ADCY7: variants seen among roughly 807,000 people sequenced by gnomAD.
ADCY7 encodes adenylate cyclase type 7.
A neutral mutation model predicts 120.6 loss-of-function variants in ADCY7; 72 were observed. That is an observed-to-expected ratio of 0.60 (90% CI 0.49 to 0.73). The LOEUF (loss-of-function observed/expected upper bound fraction) is 0.73. Ranked by LOEUF, ADCY7 falls within the 30% of genes least tolerant of loss-of-function variation. The pLI, the probability that ADCY7 is intolerant of heterozygous loss-of-function variation, is 0.00. For synonymous variants in ADCY7, 661 were observed against 628.0 expected (o/e 1.05, Z -0.78); for missense variants, 1,227 against 1,486.0 (o/e 0.83, Z 2.87).
chr16:50,316,185 T>C lies in ADCY7; in HGVS notation c.*680T>C, dbSNP rs2036791065. The stretch of plus-strand genomic sequence containing the variant: ...ACATAAATCTCTTCCCTCCAGTGTA[T>C]GCTCTGCCTTTTTAACCACTGACAT... On this transcript the variant is annotated 3_prime_UTR_variant, in exon 26 of 26. Coordinates refer to ENST00000673801, the MANE Select transcript of ADCY7 (RefSeq NM_001114.5). 6.6e-6 allele frequency: 1 copy of C among 152,514 alleles called. No individual in the cohort carries two copies. The highest frequency in any genetic ancestry group is 1.5e-5 in the Non-Finnish European group (1 of 68,168). The allele number at this position is 152,514 out of a possible 1,614,324, so 9.4% of individuals were successfully genotyped here.
In ADCY7 at chr16:50,295,345, A is replaced by ATTTTTTTTTTTTTTTTTTT. The variant is rs67137852; in HGVS notation, c.948+606_948+624dup. On this transcript the variant is annotated intron_variant, in intron 7 of 25. Transcript: ENST00000673801. ...AGGCATGCACCACCACGCCTGGCTA[A>ATTTTTTTTTTTTTTTTTTT]TTTTTTTTTTTTTTTTTTTTTTTTT... Among the ~76,000 whole-genome samples, 4 of 82,748 alleles carry ATTTTTTTTTTTTTTTTTTT rather than the reference A, an allele frequency of 4.8e-5. 1 individual carries two copies. Among genetic ancestry groups the ATTTTTTTTTTTTTTTTTTT allele is most frequent in the Non-Finnish European group, 9.1e-5 (4 of 43,904 alleles). The allele number at this position is 82,748 out of a possible 152,430, so 54.3% of individuals were successfully genotyped here.
intron 18 of ADCY7, 50 bp from the exon 19 acceptor site, chr16:50,310,637 A>G: frequency 2.5e-6 from 4 of 1,606,092 alleles, no homozygotes; most frequent in Non-Finnish European, 3.4e-6. Context: ...GCTGGAGGCG[A>G]GAGTACGTGG....
intron 1 of ADCY7, among the ~76,000 whole-genome samples, chr16:50,248,007 A>G (rs2032642499): frequency 6.6e-6 from 1 of 152,124 alleles, no homozygotes; most frequent in Non-Finnish European, 1.5e-5. Flanking sequence ...ATCTTTAATC[A>G]TAAGTTAGGC....
upstream of ADCY7, among the ~76,000 whole-genome samples, chr16:50,265,025 C>T (rs563937452): frequency 1.4e-3 from 213 of 152,056 alleles, 1 homozygote; most frequent in Admixed American, 3.1e-3. Context: ...TTAGTAGAAA[C>T]GGGATTTTGC....
intron 1 of ADCY7, among the ~76,000 whole-genome samples, chr16:50,256,202 A>G (rs1346597771): frequency 2.0e-5 from 3 of 152,210 alleles, no homozygotes; most frequent in Admixed American, 1.3e-4. Flanking sequence ...AATATCCAAA[A>G]TAGATAAGGA....
At position 50,297,004 on chromosome 16, in the gene ADCY7, C is replaced by T. The variant is rs1265615585; in HGVS notation, c.949-1900C>T. Among the ~76,000 whole-genome samples, 2 of 152,178 alleles carry T rather than the reference C, an allele frequency of 1.3e-5. No homozygotes were observed. The highest frequency in any genetic ancestry group is 2.9e-5 in the Non-Finnish European group (2 of 68,020). ...TCATGTGAGGCAGGGGCCCTGGGCT[C>T]GGGCCACAGCTGGCCCTTTCCTTAC... On this transcript the variant is annotated intron_variant, in intron 7 of 25. Transcript: ENST00000673801. This position sits in a 1 kb window ranked among gnomAD's most constrained non-coding sequence, Gnocchi z 4.4.
chr16:50,279,162 G>A (rs540803219), intron 1 of ADCY7, among the ~76,000 whole-genome samples: 1 of 152,228 alleles, frequency 6.6e-6, no homozygotes, highest in East Asian at 1.9e-4. Flanking sequence ...GTGAGCCACC[G>A]TGCCAGGTCT....
At chr16:50,258,144 G>C (rs2032965838) in intron 1 of ADCY7, among the ~76,000 whole-genome samples, 1 of 152,196 alleles carries the variant, frequency 6.6e-6, no homozygotes, top group Non-Finnish European at 1.5e-5. Flanking sequence ...GCTGAGGCAG[G>C]AGGATTACTT....
intron 14 of ADCY7, among the ~76,000 whole-genome samples, chr16:50,306,547 A>G (rs1357239813): frequency 1.7e-5 from 2 of 116,272 alleles, no homozygotes; most frequent in Admixed American, 2.5e-4. Context: ...TGGGGCTGTG[A>G]TCCTGCGATG....
At chr16:50,291,942 G>T (rs776224625) in intron 4 of ADCY7, 45 bp downstream of exon 4, 9 of 1,551,592 alleles carry the variant, frequency 5.8e-6, no homozygotes, top group Non-Finnish European at 7.8e-6. Context: ...TGTGGTCTGG[G>T]TCTAAGGGCA....
intron 1 of ADCY7, among the ~76,000 whole-genome samples, chr16:50,270,621 C>CCTTG (rs746605313): frequency 6.6e-6 from 1 of 152,174 alleles, no homozygotes; most frequent in Non-Finnish European, 1.5e-5. Flanking sequence ...CCTTGTCCTG[C>CCTTG]CTTGGGTGGG....
chr16:50,253,312 G>A (rs950857821), intron 1 of ADCY7, among the ~76,000 whole-genome samples: 2 of 152,070 alleles, frequency 1.3e-5, no homozygotes, highest in East Asian at 1.9e-4. Context: ...GTGCTGTGGC[G>A]CAATCTCGTC....
intron 1 of ADCY7, among the ~76,000 whole-genome samples, chr16:50,270,855 G>T (rs1017175787): frequency 1.3e-5 from 2 of 152,134 alleles, no homozygotes; most frequent in Middle Eastern, 3.2e-3. Flanking sequence ...AGGCTGAGAG[G>T]TTGCCACACA....
intron 25 of ADCY7, 77 bp from the exon 26 acceptor site, chr16:50,315,265 AGGCAGACTGCATGCCTG>A: frequency 2.6e-6 from 4 of 1,566,516 alleles, no homozygotes; most frequent in Non-Finnish European, 2.6e-6. Context: ...TCTCCAGGGA[AGGCAGACTGCATGCCTG>A]GGCAGTCTCT....
In ADCY7 at chr16:50,315,292, T is replaced by C. The variant is rs997606726; in HGVS notation, c.3097-67T>C. ...GCAGACTGCATGCCTGGGCAGTCTC[T>C]ATCTGTCCCTACCATGACAGGTGTT... On this transcript the variant is annotated intron_variant, in intron 25 of 25. Coordinates refer to ENST00000673801, the MANE Select transcript of ADCY7 (RefSeq NM_001114.5). 3.5e-5 allele frequency: 56 copies of C among 1,578,316 alleles called. No individual in the cohort carries two copies. In the African/African-American group the frequency reaches 7.0e-4, roughly 20 times the overall value.
At position 50,311,799 on chromosome 16, in the gene ADCY7, GCCCC is replaced by G. The variant is rs376981269; in HGVS notation, c.2448+26_2448+29del. On this transcript the variant is annotated intron_variant, in intron 20 of 25. Transcript: ENST00000673801. The stretch of plus-strand genomic sequence containing the variant: ...ACTCTCCAGACAGGTAAGGAGGCTG[GCCCC>G]CCCCCCCCCCCCAAGCTCTGCCCAC... 17,088 of 886,114 alleles carry G rather than the reference GCCCC, an allele frequency of 0.019. 6 individuals carry two copies. Among genetic ancestry groups the G allele is most frequent in the Non-Finnish European group, 0.021 (13,213 of 635,626 alleles). 54.9% of individuals were successfully genotyped at this position (886,114 alleles called of 1,614,324 possible).
intron 7 of ADCY7, among the ~76,000 whole-genome samples, chr16:50,296,599 G>T (rs185712497): frequency 6.6e-6 from 1 of 151,906 alleles, no homozygotes; most frequent in African/African-American, 2.4e-5. Context: ...CTTGTGATCC[G>T]CCTGCCTCGA....
intron 18 of ADCY7, 86 bp downstream of exon 18, chr16:50,309,732 G>T (rs1242484395): frequency 5.0e-6 from 6 of 1,200,908 alleles, no homozygotes; most frequent in South Asian, 2.8e-5. Context: ...CAAAGCATGG[G>T]TGCTGACCCC....
intron 1 of ADCY7, among the ~76,000 whole-genome samples, chr16:50,278,663 C>T (rs1036725319): frequency 6.6e-6 from 1 of 152,110 alleles, no homozygotes; most frequent in East Asian, 1.9e-4. Context: ...TGAGAATTCT[C>T]CCATAGTTTC....
Sources: gnomAD v4.1 joint callset for allele counts (sites outside exome capture counted in the v4.1 genomes callset) on GRCh38, gnomAD v4.1.1 for gene constraint, Gnocchi (gnomAD v3.1) non-coding constraint, MANE v1.5 for transcripts, NCBI Gene and HGNC (gene_info 2026-07-23, HGNC 2026-07-21) for gene names.